PNPLA7: variants seen among roughly 807,000 people sequenced by gnomAD.
PNPLA7 encodes the protein patatin like domain 7, lysophospholipase.
Under a neutral mutation model 161.7 loss-of-function variants are expected in PNPLA7, and 153 were observed. That is an observed-to-expected ratio of 0.95 (90% CI 0.83 to 1.08). The LOEUF (loss-of-function observed/expected upper bound fraction) is 1.08, where lower values mean the gene tolerates loss of function less well. Ranked by LOEUF, PNPLA7 falls within the 50% of genes least tolerant of loss-of-function variation. PNPLA7 has a pLI of 0.00. For missense variants in PNPLA7, 1,739 were observed against 1,856.6 expected (o/e 0.94, Z 1.16); for synonymous variants, 809 against 782.1 (o/e 1.03, Z -0.57).
chr9:137,514,655 G>GGTTTTGCTACACATCA (rs1175651859), intron 12 of PNPLA7, among the ~76,000 whole-genome samples: 4 of 140,098 alleles, frequency 2.9e-5, no homozygotes, highest in African/African-American at 1.1e-4. Context: ...CGGATGTTGA[G>GGTTTTGCTACACATCA]GTGCCTGGGC....
At chr9:137,474,808 C>T (rs1325262669) in intron 25 of PNPLA7, among the ~76,000 whole-genome samples, 3 of 147,498 alleles carry the variant, frequency 2.0e-5, no homozygotes, top group Admixed American at 1.3e-4. Flanking sequence ...GTCAGGAGAT[C>T]GAGCCCATCC....
At chr9:137,522,593 A>T in intron 9 of PNPLA7, 136 bp downstream of exon 9, 1 of 985,882 alleles carries the variant, frequency 1.0e-6, no homozygotes, top group Non-Finnish European at 1.5e-6. Flanking sequence ...ATTCCTCTGA[A>T]ATCACCTTCA....
intron 20 of PNPLA7, among the ~76,000 whole-genome samples, chr9:137,491,162 G>C (rs996507733): frequency 2.0e-5 from 3 of 150,176 alleles, no homozygotes; most frequent in Non-Finnish European, 4.4e-5. Context: ...AGGAGGCTGA[G>C]GGGGGGGGAA....
intron 12 of PNPLA7, among the ~76,000 whole-genome samples, chr9:137,510,801 T>TGCCC (rs1393027579): frequency 3.3e-5 from 5 of 152,202 alleles, no homozygotes; most frequent in African/African-American, 1.2e-4. Context: ...CACCAGGCAG[T>TGCCC]GCCCCCGTGT....
Position 137,479,126 on chromosome 9 carries a change from C to T in PNPLA7, c.2693G>A (p.Ser898Asn), listed in dbSNP as rs756782641. ...GAGGTGCAGGTGGCCGGAGCACCAGCTCCGCATGTTGAGCCACTCCACGGT... is the reference window on the plus strand; with the variant it reads ...GAGGTGCAGGTGGCCGGAGCACCAGTTCCGCATGTTGAGCCACTCCACGGT... ...ARTVEWLNMR[S>N]WCSGHLHLCC... Residue 898 changes from serine (S) to asparagine (N), a missense_variant, in exon 24 of 35, where the codon AGC (serine) becomes AAC (asparagine). Physicochemically the swap from Ser to Asn is conservative, Grantham distance 46. Around this residue, in one of 6 missense-constraint regions of PNPLA7, gnomAD observed 703 missense variants for 694.6 expected, o/e 1.01. Coordinates refer to ENST00000406427, the MANE Select transcript of PNPLA7 (RefSeq NM_001098537.3). 1.6e-5 allele frequency: 25 copies of T among 1,596,832 alleles called. No homozygotes were observed. The highest frequency in any genetic ancestry group is 2.7e-5 in the African/African-American group (2 of 74,670).
chr9:137,525,300 T>C (rs906707679), intron 8 of PNPLA7, among the ~76,000 whole-genome samples: 8 of 152,054 alleles, frequency 5.3e-5, no homozygotes, highest in African/African-American at 1.9e-4. Context: ...AGATGAGAGA[T>C]CGTAGAAATA....
chr9:137,529,437 T>C (rs902316483), intron 8 of PNPLA7, among the ~76,000 whole-genome samples: 2 of 152,232 alleles, frequency 1.3e-5, no homozygotes, highest in African/African-American at 4.8e-5. Flanking sequence ...ACTGTGATCA[T>C]TTATAATGGC....
intron 25 of PNPLA7, among the ~76,000 whole-genome samples, chr9:137,470,387 A>T (rs968924094): frequency 2.0e-5 from 3 of 152,166 alleles, no homozygotes; most frequent in Admixed American, 1.3e-4. Context: ...CAGTGAAACC[A>T]TCTGGATATG....
At chr9:137,506,180 G>A (rs1043511268) in intron 12 of PNPLA7, 97 bp from the exon 13 acceptor site, 1 of 969,174 alleles carries the variant, frequency 1.0e-6, no homozygotes, top group African/African-American at 1.6e-5. Flanking sequence ...TAACCACACA[G>A]ACCCCGGCAG....
At chr9:137,510,639 A>G (rs1834173366) in intron 12 of PNPLA7, among the ~76,000 whole-genome samples, 1 of 152,182 alleles carries the variant, frequency 6.6e-6, no homozygotes, top group Admixed American at 6.5e-5. Context: ...AGGTCTCTGC[A>G]CATTGGTGGT....
At chr9:137,535,929 G>T in intron 8 of PNPLA7, among the ~76,000 whole-genome samples, 1 of 151,984 alleles carries the variant, frequency 6.6e-6, no homozygotes, top group East Asian at 1.9e-4. Context: ...GAGGCGGGCA[G>T]ATCACGAGGT....
chr9:137,550,039 A>G (rs1261386495), intron 1 of PNPLA7, 129 bp downstream of exon 1: 1 of 1,104,856 alleles, frequency 9.1e-7, no homozygotes, highest in East Asian at 2.4e-5. Context: ...CCACTCCCAC[A>G]GTCCTCAGGC....
In PNPLA7 at chr9:137,501,569, C is replaced by T. The variant is rs1276212155; in HGVS notation, c.1551+81G>A. 2 of 1,378,738 alleles carry T rather than the reference C, an allele frequency of 1.5e-6. 1 individual carries two copies. The highest frequency in any genetic ancestry group is 4.2e-4 in the Middle Eastern group (2 of 4,750). 85.4% of individuals were successfully genotyped at this position (1,378,738 alleles called of 1,614,324 possible). ...GGTCCCCAGTCACTGGTGTCCAGTCCAGGCCCTCCTCTGGTGCTCCACTTG... is the reference window on the plus strand; with the variant it reads ...GGTCCCCAGTCACTGGTGTCCAGTCTAGGCCCTCCTCTGGTGCTCCACTTG... On this transcript the variant is annotated intron_variant, in intron 15 of 34. Coordinates refer to ENST00000406427, the MANE Select transcript of PNPLA7 (RefSeq NM_001098537.3).
At chr9:137,473,031 G>T (rs1349671399) in intron 25 of PNPLA7, among the ~76,000 whole-genome samples, 2 of 152,164 alleles carry the variant, frequency 1.3e-5, no homozygotes, top group Non-Finnish European at 2.9e-5. Flanking sequence ...GGTGGAAGGT[G>T]AAGGAGGAGC....
In PNPLA7 at chr9:137,482,578, T is replaced by C. The variant is rs74709370; in HGVS notation, c.2348-1555A>G. Among the ~76,000 whole-genome samples the C allele has an allele frequency of 3.6e-3, 550 of 152,364 alleles. 5 individuals carry two copies. Among genetic ancestry groups the C allele is most frequent in the African/African-American group, 0.013 (530 of 41,584 alleles). ...CAGGGCTGCCGGCAAGCCGGGGTGC[T>C]GGGTGACAACATGGCAGCCACCTGC... On this transcript the variant is annotated intron_variant, in intron 21 of 34. Transcript: ENST00000406427.
intron 25 of PNPLA7, among the ~76,000 whole-genome samples, chr9:137,472,505 G>A (rs1460835390): frequency 6.6e-6 from 1 of 151,384 alleles, no homozygotes; most frequent in Non-Finnish European, 1.5e-5. Context: ...GCAAAAATTA[G>A]CTGGGTGTGC....
intron 21 of PNPLA7, among the ~76,000 whole-genome samples, chr9:137,482,115 G>A (rs751756437): frequency 9.2e-5 from 14 of 152,218 alleles, no homozygotes; most frequent in Non-Finnish European, 1.9e-4. Flanking sequence ...TGCAGCAGCC[G>A]AAACCTGCTC....
intron 4 of PNPLA7, among the ~76,000 whole-genome samples, chr9:137,544,775 G>A (rs989301394): frequency 4.1e-4 from 62 of 152,008 alleles, no homozygotes; most frequent in Non-Finnish European, 7.7e-4. Flanking sequence ...TCAGCCTCCC[G>A]AGTAGTTGGG....
At chr9:137,492,967 T>G in intron 20 of PNPLA7, 46 bp downstream of exon 20, 2 of 1,579,156 alleles carry the variant, frequency 1.3e-6, no homozygotes, top group Non-Finnish European at 1.7e-6. Context: ...GCTCCAGGAC[T>G]GGGTGAGGGC....
Sources: allele counts gnomAD v4.1 joint callset (sites outside exome capture counted in the v4.1 genomes callset), GRCh38; gene constraint gnomAD v4.1.1; regional missense constraint gnomAD v4.1.1; transcripts MANE v1.5; gene names NCBI Gene and HGNC (gene_info 2026-07-23, HGNC 2026-07-21).